Variants in PDCD10 observed in about 807,000 individuals in gnomAD.
The protein encoded by PDCD10 is programmed cell death protein 10.
PDCD10 carries 4 observed loss-of-function variants against 29.2 expected under a neutral mutation model. That is an observed-to-expected ratio of 0.14 (90% CI 0.07 to 0.31). The LOEUF is 0.31. PDCD10 is among the 10% of genes least tolerant of loss of function. The probability of loss-of-function intolerance (pLI) is 1.00; values close to 1 mark genes in which losing one functional copy is unlikely to be tolerated. For synonymous variants in PDCD10, 70 were observed against 82.2 expected (o/e 0.85, Z 0.80); for missense variants, 183 against 257.9 (o/e 0.71, Z 1.99).
chr3:167,694,976 A>G (rs1049039597), intron 6 of PDCD10, among the ~76,000 whole-genome samples: 4 of 152,204 alleles, frequency 2.6e-5, no homozygotes, highest in African/African-American at 9.6e-5. Context: ...CAGACTTTCT[A>G]GTTTAAAGAT....
intron 8 of PDCD10, 65 bp from the exon 9 acceptor site, chr3:167,684,454 CTATTAACAGTAGCAATGGAATCAATTTT>C (rs1719364877): frequency 1.6e-5 from 14 of 860,242 alleles, no homozygotes; most frequent in Non-Finnish European, 2.8e-5. Context: ...AAGATTTATA[CTATTAACAGTAGCAATGGAATCAATTTT>C]AGAAAAAAAA....
intron 4 of PDCD10, 75 bp from the exon 5 acceptor site, chr3:167,697,201 G>C: frequency 2.4e-6 from 2 of 837,364 alleles, no homozygotes; most frequent in Non-Finnish European, 2.0e-6. Context: ...TAATTGTTTA[G>C]AATCTGTTGG....
At chr3:167,692,719 C>A (rs1000005256) in intron 6 of PDCD10, among the ~76,000 whole-genome samples, 1 of 152,184 alleles carries the variant, frequency 6.6e-6, no homozygotes, top group Non-Finnish European at 1.5e-5. Context: ...GAGATCGAGA[C>A]CATCCTGGCT....
At chr3:167,698,179 T>C in intron 4 of PDCD10, among the ~76,000 whole-genome samples, 1 of 152,170 alleles carries the variant, frequency 6.6e-6, no homozygotes, top group East Asian at 1.9e-4. Flanking sequence ...TATCAAAAAC[T>C]GAAGGGTTGT....
intron 6 of PDCD10, among the ~76,000 whole-genome samples, chr3:167,693,080 C>T (rs538394999): frequency 6.6e-5 from 10 of 152,288 alleles, no homozygotes; most frequent in South Asian, 2.1e-4. Context: ...ATACCTATCA[C>T]GAACCATTAT....
intron 3 of PDCD10, among the ~76,000 whole-genome samples, chr3:167,707,542 G>A (rs574135860): frequency 1.1e-4 from 16 of 152,084 alleles, no homozygotes; most frequent in African/African-American, 2.9e-4. Flanking sequence ...TTAGCTGGGC[G>A]TGGTGGCAGG....
At chr3:167,687,360 G>T in intron 7 of PDCD10, 44 bp from the exon 8 acceptor site, 1 of 1,175,290 alleles carries the variant, frequency 8.5e-7, no homozygotes, top group South Asian at 1.2e-5. Context: ...CTAAATAAGA[G>T]AAATAATCAC....
In PDCD10 at chr3:167,695,442, C is replaced by T. The variant is rs548849050; in HGVS notation, c.395+154G>A. Reference sequence around the variant, plus strand: ...AAAAATGCTGTACTCTGAAACCAAACGCCATAAAGTTAATAAAATGTGGTA... The same window carrying T: ...AAAAATGCTGTACTCTGAAACCAAATGCCATAAAGTTAATAAAATGTGGTA... On this transcript the variant is annotated intron_variant, in intron 6 of 8. Transcript: ENST00000392750. Among the ~76,000 whole-genome samples the T allele has an allele frequency of 3.9e-5, 6 of 152,206 alleles. No individual in the cohort carries two copies. In the South Asian group the frequency reaches 1.0e-3, roughly 26 times the overall value.
chr3:167,721,457 T>C (rs1275732092), intron 2 of PDCD10, among the ~76,000 whole-genome samples: 2 of 152,314 alleles, frequency 1.3e-5, no homozygotes, highest in Admixed American at 6.5e-5. Flanking sequence ...TCACTCAACA[T>C]GTTCAGAGTA....
Position 167,684,151 on chromosome 3 carries a change from C to T in PDCD10, c.*157G>A, listed in dbSNP as rs1719323038. 3.4e-6 allele frequency: 2 copies of T among 580,568 alleles called. No individual in the cohort carries two copies. Among genetic ancestry groups the T allele is most frequent in the South Asian group, 3.8e-5 (2 of 52,538 alleles). The allele number at this position is 580,568 out of a possible 1,614,324, so 36.0% of individuals were successfully genotyped here. On this transcript the variant is annotated 3_prime_UTR_variant, in exon 9 of 9. Transcript: ENST00000392750. ...GAGATTATGATTAAGCTACATTTTACAAAAATATGGTGTAAGATGGCAATA... is the reference window on the plus strand; with the variant it reads ...GAGATTATGATTAAGCTACATTTTATAAAAATATGGTGTAAGATGGCAATA...
At chr3:167,684,707 T>A (rs1044240034) in intron 8 of PDCD10, among the ~76,000 whole-genome samples, 1 of 152,166 alleles carries the variant, frequency 6.6e-6, no homozygotes, top group South Asian at 2.1e-4. Context: ...GGTCTCCAGC[T>A]GTGGTTTCAT....
In PDCD10 at chr3:167,684,172, C is replaced by A; in HGVS notation, c.*136G>T. 3.1e-6 allele frequency: 2 copies of A among 650,860 alleles called. No individual in the cohort carries two copies. The highest frequency in any genetic ancestry group is 3.2e-5 in the South Asian group (2 of 63,210). 40.3% of individuals were successfully genotyped at this position (650,860 alleles called of 1,614,324 possible). ...TTTACAAAAATATGGTGTAAGATGG[C>A]AATAATCCCATTCAACATCCTGGAT... On this transcript the variant is annotated 3_prime_UTR_variant, in exon 9 of 9. Coordinates refer to ENST00000392750, the MANE Select transcript of PDCD10 (RefSeq NM_007217.4).
chr3:167,727,959 AT>A (rs1185706107), intron 2 of PDCD10, among the ~76,000 whole-genome samples: 1 of 152,238 alleles, frequency 6.6e-6, no homozygotes, highest in East Asian at 1.9e-4. Flanking sequence ...CCAAGGTTCT[AT>A]CTTGATGATG....
At chr3:167,694,894 T>C (rs1400240906) in intron 6 of PDCD10, among the ~76,000 whole-genome samples, 4 of 152,280 alleles carry the variant, frequency 2.6e-5, no homozygotes, top group African/African-American at 4.8e-5. Context: ...ACCAAAACCA[T>C]GCATTGATAG....
At chr3:167,709,366 C>G (rs1281100212) in intron 3 of PDCD10, among the ~76,000 whole-genome samples, 16 of 152,062 alleles carry the variant, frequency 1.1e-4, no homozygotes, top group Admixed American at 9.8e-4. Context: ...ACACTGATGC[C>G]ACCCCTCCCC....
chr3:167,698,102 G>GATAC, intron 4 of PDCD10: 1 of 395,714 alleles, frequency 2.5e-6, no homozygotes. Flanking sequence ...TATCACTGCA[G>GATAC]ATACAGTTTT....
At chr3:167,696,953 A>G (rs1720879474) in intron 5 of PDCD10, 56 bp downstream of exon 5, 5 of 886,132 alleles carry the variant, frequency 5.6e-6, no homozygotes, top group Middle Eastern at 2.2e-4. Context: ...ATAATGATTT[A>G]GAGGAAGTGC....
chr3:167,695,760 C>G (rs1214230284), intron 5 of PDCD10, 38 bp from the exon 6 acceptor site: 15 of 1,603,328 alleles, frequency 9.4e-6, no homozygotes, highest in Non-Finnish European at 1.2e-5. Flanking sequence ...CATCCTGCGA[C>G]TCTCTGCCAA....
intron 6 of PDCD10, among the ~76,000 whole-genome samples, chr3:167,692,234 T>C (rs1453659228): frequency 6.6e-6 from 1 of 152,234 alleles, no homozygotes; most frequent in Non-Finnish European, 1.5e-5. Flanking sequence ...ACTTTAACTA[T>C]ACAGGGCGAG....
Sources: gnomAD v4.1 joint callset for allele counts (sites outside exome capture counted in the v4.1 genomes callset) on GRCh38, gnomAD v4.1.1 for gene constraint, MANE v1.5 for transcripts, NCBI Gene and HGNC (gene_info 2026-07-23, HGNC 2026-07-21) for gene names.